Variants in KCNAB1 observed in about 807,000 individuals in gnomAD.
KCNAB1 encodes the protein potassium voltage-gated channel subfamily A regulatory beta subunit 1.
Under a neutral mutation model 64.6 loss-of-function variants are expected in KCNAB1, and 35 were observed. The ratio of observed to expected loss-of-function variants is 0.54; its 90% CI spans 0.41 to 0.72. The LOEUF is 0.72. KCNAB1 is among the 30% of genes least tolerant of loss of function. The pLI is 0.00. For synonymous variants in KCNAB1, 177 were observed against 183.8 expected, an observed-to-expected ratio of 0.96 and a Z score of 0.30; for missense variants, 401 against 512.9, an observed-to-expected ratio of 0.78 and a Z score of 2.11.
At chr3:156,165,894 G>C (rs1304462534) in intron 1 of KCNAB1, among the ~76,000 whole-genome samples, 1 of 152,068 alleles carries the variant, frequency 6.6e-6, no homozygotes, top group African/African-American at 2.4e-5. Flanking sequence ...TTCTCACAAG[G>C]GCATCTCTGC....
At chr3:156,132,776 T>C (rs1714080936) in intron 1 of KCNAB1, among the ~76,000 whole-genome samples, 1 of 152,212 alleles carries the variant, frequency 6.6e-6, no homozygotes. Context: ...ATAATGTACC[T>C]CCAGGATTCA....
At chr3:156,337,937 G>T (rs942644187) in intron 1 of KCNAB1, among the ~76,000 whole-genome samples, 3 of 152,194 alleles carry the variant, frequency 2.0e-5, no homozygotes, top group Non-Finnish European at 4.4e-5. Context: ...ACTGCAGTAT[G>T]AACTAATAGC....
intron 1 of KCNAB1, among the ~76,000 whole-genome samples, chr3:156,221,797 T>C (rs1378032185): frequency 7.1e-6 from 1 of 141,820 alleles, no homozygotes; most frequent in Non-Finnish European, 1.5e-5. Context: ...AAAAAAAAAG[T>C]TTTGTGTCCA....
intron 1 of KCNAB1, among the ~76,000 whole-genome samples, chr3:156,236,471 A>G (rs1716856396): frequency 6.6e-6 from 1 of 152,200 alleles, no homozygotes; most frequent in African/African-American, 2.4e-5. Flanking sequence ...CATTCAGATG[A>G]TAATTAAGAT....
intron 1 of KCNAB1, among the ~76,000 whole-genome samples, chr3:156,183,340 C>T (rs1488807335): frequency 6.6e-6 from 1 of 152,126 alleles, no homozygotes; most frequent in Non-Finnish European, 1.5e-5. Flanking sequence ...AAAATGGAAA[C>T]AAAGTCATTG....
rs1043200619 is a variant in KCNAB1, at chr3:156,537,114, A to C, written c.*367A>C. 1.5e-5 allele frequency: 6 copies of C among 402,028 alleles called. No individual in the cohort carries two copies. The highest frequency in any genetic ancestry group is 2.6e-5 in the Non-Finnish European group (6 of 228,304). 24.9% of individuals were successfully genotyped at this position (402,028 alleles called of 1,614,324 possible). ...TTTTTCAAAAGAACAAAATCCACAG[A>C]TGCAATGTGAGTTGCGTAAGAAACA... is the stretch of plus-strand genomic sequence containing the variant. On this transcript the variant is annotated 3_prime_UTR_variant, in exon 14 of 14. Transcript: ENST00000490337.
At chr3:156,529,861 G>A (rs930241979) in intron 12 of KCNAB1, among the ~76,000 whole-genome samples, 6 of 152,264 alleles carry the variant, frequency 3.9e-5, no homozygotes, top group South Asian at 2.1e-4. Context: ...AGAAGTTTGC[G>A]GTGCTGGTGG....
chr3:156,398,922 A>G (rs994421927), intron 1 of KCNAB1, among the ~76,000 whole-genome samples: 8 of 152,184 alleles, frequency 5.3e-5, no homozygotes, highest in African/African-American at 1.9e-4. Flanking sequence ...AGGACTGAGC[A>G]GCCACACTAA....
chr3:156,136,843 G>A (rs551625791), intron 1 of KCNAB1, among the ~76,000 whole-genome samples: 2 of 152,302 alleles, frequency 1.3e-5, no homozygotes, highest in African/African-American at 4.8e-5. Flanking sequence ...GCCCAAAGTA[G>A]GTGAGGAGAG....
chr3:156,325,468 A>G (rs1436708141), intron 1 of KCNAB1, among the ~76,000 whole-genome samples: 1 of 152,164 alleles, frequency 6.6e-6, no homozygotes, highest in Admixed American at 6.6e-5. Context: ...GGATACTATT[A>G]TTTGATGGAT....
intron 1 of KCNAB1, among the ~76,000 whole-genome samples, chr3:156,355,897 G>A (rs1207520302): frequency 3.3e-5 from 5 of 151,978 alleles, no homozygotes; most frequent in Admixed American, 2.6e-4. Flanking sequence ...CAGGTGGATC[G>A]CTTGAACCCA....
chr3:156,127,963 C>T (rs943767513), intron 1 of KCNAB1, among the ~76,000 whole-genome samples: 3 of 151,242 alleles, frequency 2.0e-5, no homozygotes, highest in African/African-American at 7.3e-5. Context: ...CTGTGGACAC[C>T]TGGAAGGCAG....
At position 156,403,969 on chromosome 3, in the gene KCNAB1, G is replaced by A. The variant is rs544614213; in HGVS notation, c.276-17647G>A. On this transcript the variant is annotated intron_variant, in intron 1 of 13. Transcript: ENST00000490337. ...AACAGGTGTGATTAGAGCCTGACCT[G>A]GGTTAACCAAGGTGCATGGCCTCCA... 1.3e-4 allele frequency among the ~76,000 whole-genome samples: 20 copies of A among 151,680 alleles called. 1 individual carries two copies. In the South Asian group the frequency reaches 4.2e-3, roughly 32 times the overall value.
At chr3:156,423,682 CA>C (rs1245540543) in intron 2 of KCNAB1, among the ~76,000 whole-genome samples, 1 of 152,090 alleles carries the variant, frequency 6.6e-6, no homozygotes, top group African/African-American at 2.4e-5. Flanking sequence ...TTCAGCTTTG[CA>C]AGTTCAGGTG....
At chr3:156,348,479 G>A (rs1481532578) in intron 1 of KCNAB1, among the ~76,000 whole-genome samples, 1 of 152,154 alleles carries the variant, frequency 6.6e-6, no homozygotes, top group Non-Finnish European at 1.5e-5. Context: ...TGAGAACCAG[G>A]ACTCCTCCCA....
intron 1 of KCNAB1, among the ~76,000 whole-genome samples, chr3:156,187,909 C>T (rs1368228103): frequency 6.6e-6 from 1 of 152,168 alleles, no homozygotes; most frequent in Non-Finnish European, 1.5e-5. Flanking sequence ...CTTAATTTCT[C>T]ATCAATTTCA....
intron 1 of KCNAB1, chr3:156,176,872 G>T: frequency 8.5e-7 from 1 of 1,177,860 alleles, no homozygotes. Flanking sequence ...ACTGGGACCA[G>T]CGGTAACTCT....
intron 1 of KCNAB1, among the ~76,000 whole-genome samples, chr3:156,336,759 C>T (rs1215727287): frequency 6.6e-6 from 1 of 152,182 alleles, no homozygotes; most frequent in Non-Finnish European, 1.5e-5. Flanking sequence ...AATGGACACC[C>T]ACTTGGGCAG....
chr3:156,437,114 A>G (rs1014449952), intron 2 of KCNAB1, among the ~76,000 whole-genome samples: 2 of 152,138 alleles, frequency 1.3e-5, no homozygotes, highest in Admixed American at 1.3e-4. Context: ...TGTGATATCC[A>G]CAGTGTCCTA....
Sources: allele counts gnomAD v4.1 joint callset (sites outside exome capture counted in the v4.1 genomes callset), GRCh38; gene constraint gnomAD v4.1.1; transcripts MANE v1.5; gene names NCBI Gene and HGNC (gene_info 2026-07-23, HGNC 2026-07-21).